The following ZNF248 variants were observed in gnomAD, a reference collection of about 807,000 sequenced individuals.
ZNF248 encodes the protein zinc finger protein 248, also known as KRAB protein domain.
Under a neutral mutation model 44.3 loss-of-function variants are expected in ZNF248, and 20 were observed. The observed-to-expected ratio is 0.45, with a 90% CI of 0.32 to 0.66. ZNF248 has a LOEUF of 0.66. ZNF248 is among the 30% of genes least tolerant of loss of function. The pLI is 0.04. For synonymous variants in ZNF248, 224 were observed against 229.0 expected, an observed-to-expected ratio of 0.98 and a Z score of 0.20; for missense variants, 654 against 677.0, an observed-to-expected ratio of 0.97 and a Z score of 0.38.
chr10:37,807,949 C>T (rs530060116), intron 6 of ZNF248, among the ~76,000 whole-genome samples: 24 of 152,056 alleles, frequency 1.6e-4, no homozygotes, highest in Non-Finnish European at 2.8e-4. Flanking sequence ...GTCTTTTACC[C>T]GAGTACGACA....
downstream of ZNF248, among the ~76,000 whole-genome samples, chr10:37,824,673 A>ATTTTTTTTTTTTTTTTTTTTTTTTT (rs755411927): frequency 1.9e-4 from 15 of 79,726 alleles, 4 homozygotes; most frequent in Admixed American, 2.2e-4. Context: ...ATTATTTTAA[A>ATTTTTTTTTTTTTTTTTTTTTTTTT]TTTTTTTTTT....
chr10:37,778,432 A>G (rs17591531), intron 6 of ZNF248, among the ~76,000 whole-genome samples: 9,009 of 151,864 alleles, frequency 0.059, 313 homozygotes, highest in Middle Eastern at 0.095. Context: ...GATTCTGGAT[A>G]TTAGCCCTTT....
At chr10:37,857,955 C>T (rs1590100474), upstream of ZNF248, 1 of 152,324 alleles carries the variant, frequency 6.6e-6, no homozygotes, top group African/African-American at 2.4e-5. Flanking sequence ...CGCCCGCCTT[C>T]AGGGCAGCGC....
intron 6 of ZNF248, among the ~76,000 whole-genome samples, chr10:37,807,894 T>C (rs899121598): frequency 8.5e-5 from 13 of 152,212 alleles, no homozygotes; most frequent in African/African-American, 2.9e-4. Flanking sequence ...TATTGCCTAA[T>C]TGCTCAGGCT....
chr10:37,823,333 C>CAAA (rs60957023), intron 6 of ZNF248, among the ~76,000 whole-genome samples: 3 of 17,534 alleles, frequency 1.7e-4, no homozygotes, highest in African/African-American at 2.3e-4. Context: ...ACTCCGTCTC[C>CAAA]AAAAAAAAAA....
chr10:37,853,676 G>A (rs1053253558), intron 3 of ZNF248, among the ~76,000 whole-genome samples: 89 of 152,094 alleles, frequency 5.9e-4, no homozygotes, highest in African/African-American at 2.0e-3. Context: ...CACGGTGCCC[G>A]GCCACCGGAA....
chr10:37,800,555 T>C (rs2049682661), intron 6 of ZNF248, among the ~76,000 whole-genome samples: 3 of 152,186 alleles, frequency 2.0e-5, no homozygotes, highest in African/African-American at 4.8e-5. Flanking sequence ...GTCTTTGCTA[T>C]TGTGAATAGT....
At chr10:37,845,450 T>G (rs2134425154) in intron 3 of ZNF248, among the ~76,000 whole-genome samples, 1 of 143,088 alleles carries the variant, frequency 7.0e-6, no homozygotes, top group East Asian at 2.0e-4. Context: ...TAAATAAGAA[T>G]AAACAAAAGC....
At chr10:37,857,733 C>T (rs2061554105), upstream of ZNF248, 1 of 152,572 alleles carries the variant, frequency 6.6e-6, no homozygotes. Context: ...GCAGCCAGTT[C>T]CCTCCCCTTC....
chr10:37,803,520 G>A (rs568281715), intron 6 of ZNF248: 2 of 152,356 alleles, frequency 1.3e-5, no homozygotes, highest in Non-Finnish European at 1.5e-5. Context: ...TAACTGTACA[G>A]GAGTGCCAAG....
At chr10:37,803,890 A>AATCCTGGAAACACACGGGCCAAGTTTC (rs2050145204) in intron 6 of ZNF248, 1 of 152,724 alleles carries the variant, frequency 6.5e-6, no homozygotes, top group African/African-American at 2.4e-5. Context: ...AAACATCAAG[A>AATCCTGGAAACACACGGGCCAAGTTTC]ATCCTGGAAA....
the ZNF248 span, among the ~76,000 whole-genome samples, chr10:37,771,505 A>T: frequency 9.7e-6 from 1 of 102,702 alleles, no homozygotes; most frequent in African/African-American, 3.9e-5. Flanking sequence ...CATCATTCTC[A>T]GCAAACTATC....
chr10:37,839,186 G>A (rs1349075763), intron 3 of ZNF248, among the ~76,000 whole-genome samples: 1 of 152,168 alleles, frequency 6.6e-6, no homozygotes, highest in Non-Finnish European at 1.5e-5. Context: ...GACACCAAAT[G>A]TCTAGTGAGT....
chr10:37,843,382 A>T (rs1421709971), intron 3 of ZNF248, among the ~76,000 whole-genome samples: 1 of 150,778 alleles, frequency 6.6e-6, no homozygotes, highest in Non-Finnish European at 1.5e-5. Context: ...CCGAGATTGC[A>T]CCGCTGCACT....
downstream of ZNF248, chr10:37,775,351 T>G (rs1341934325): frequency 6.6e-6 from 1 of 152,160 alleles, no homozygotes; most frequent in Non-Finnish European, 1.5e-5. Flanking sequence ...CACCTGGCAT[T>G]TGCTTTTTTT....
At chr10:37,840,026 C>T (rs1039863052) in intron 3 of ZNF248, among the ~76,000 whole-genome samples, 10 of 152,100 alleles carry the variant, frequency 6.6e-5, no homozygotes, top group East Asian at 3.9e-4. Context: ...ATAAGCAAGA[C>T]GGCTGAAAAA....
intron 6 of ZNF248, among the ~76,000 whole-genome samples, chr10:37,823,449 A>G (rs899511697): frequency 3.3e-5 from 5 of 151,558 alleles, no homozygotes; most frequent in Admixed American, 1.3e-4. Context: ...TCAACGTTCT[A>G]TATTTTCAAA....
At chr10:37,766,109 G>A in the ZNF248 span, among the ~76,000 whole-genome samples, 5 of 152,260 alleles carry the variant, frequency 3.3e-5, no homozygotes, top group African/African-American at 1.2e-4. Context: ...AAGCAGCCAG[G>A]AAGCTCGAAC....
rs149872582 is a variant in ZNF248 at position 37,852,623 on chromosome 10, G to A, written c.15+3673C>T. On this transcript the variant is annotated intron_variant, in intron 3 of 5. Coordinates refer to ENST00000395867, the MANE Select transcript of ZNF248 (RefSeq NM_021045.3). The stretch of plus-strand genomic sequence containing the variant: ...CACTCCAGCCTGGGTGACAGAATAA[G>A]ACCCTATCTCTCTCTATATATAGAT... 2.9e-3 allele frequency among the ~76,000 whole-genome samples: 432 copies of A among 151,096 alleles called. 2 individuals carry two copies. The highest frequency in any genetic ancestry group is 9.9e-3 in the African/African-American group (410 of 41,246).
Sources: gnomAD v4.1 joint callset for allele counts (sites outside exome capture counted in the v4.1 genomes callset) on GRCh38, gnomAD v4.1.1 for gene constraint, MANE v1.5 for transcripts, NCBI Gene and HGNC (gene_info 2026-07-23, HGNC 2026-07-21) for gene names.